The following PCSK2 variants were observed in gnomAD, a reference collection of about 807,000 sequenced individuals.
PCSK2 encodes the protein neuroendocrine convertase 2.
A neutral mutation model predicts 69.7 loss-of-function variants in PCSK2; 14 were observed. The observed-to-expected ratio is 0.20, with a 90% confidence interval of 0.13 to 0.31. The LOEUF (loss-of-function observed/expected upper bound fraction) is 0.31. PCSK2 is among the 10% of genes least tolerant of loss of function. PCSK2 has a pLI of 1.00. For synonymous variants in PCSK2, 307 were observed against 320.7 expected, an observed-to-expected ratio of 0.96 and a Z score of 0.46; for missense variants, 544 against 842.5, an observed-to-expected ratio of 0.65 and a Z score of 4.39.
chr20:17,384,113 C>G (rs1247085270), intron 5 of PCSK2, among the ~76,000 whole-genome samples: 4 of 152,024 alleles, frequency 2.6e-5, no homozygotes, highest in African/African-American at 9.7e-5. Flanking sequence ...GCCATTGTGT[C>G]CTATAAGCAA....
intron 11 of PCSK2, 131 bp from the exon 12 acceptor site, chr20:17,481,453 G>A: frequency 1.4e-6 from 1 of 690,860 alleles, no homozygotes; most frequent in Non-Finnish European, 2.5e-6. Context: ...AGCCAGTGTG[G>A]GAACTAAACC....
At chr20:17,442,340 C>T (rs900079349) in intron 8 of PCSK2, among the ~76,000 whole-genome samples, 2 of 151,948 alleles carry the variant, frequency 1.3e-5, no homozygotes, top group Admixed American at 1.3e-4. Flanking sequence ...GTTGTTTAAG[C>T]CACTCAGTTT....
Position 17,453,697 on chromosome 20 carries a change from A to G in PCSK2, c.886-45A>G. The G allele has an allele frequency of 6.2e-7, 1 of 1,604,500 alleles. No homozygotes were observed. Among genetic ancestry groups the G allele is most frequent in the Non-Finnish European group, 8.5e-7 (1 of 1,176,766 alleles). ...CTGGAGACCTCCCCTGCCCCCTCGC[A>G]GCCCAGGCTGTGGGTAGCGGCAGCG... On this transcript the variant is annotated intron_variant, in intron 8 of 11. Transcript: ENST00000262545. The surrounding 1 kb of genome is among the most constrained non-coding windows in gnomAD (Gnocchi z 4.0).
intron 2 of PCSK2, among the ~76,000 whole-genome samples, chr20:17,354,867 A>C (rs1489187806): frequency 6.6e-6 from 1 of 152,088 alleles, no homozygotes; most frequent in Non-Finnish European, 1.5e-5. Context: ...AACAATAAAC[A>C]TGATTAATGG....
chr20:17,369,645 C>CCTTTG (rs2030700699), intron 5 of PCSK2, among the ~76,000 whole-genome samples: 1 of 152,190 alleles, frequency 6.6e-6, no homozygotes, highest in Non-Finnish European at 1.5e-5. Context: ...CAGGCAAAGG[C>CCTTTG]AGTGGCTTTG....
Position 17,406,750 on chromosome 20 carries a change from G to C in PCSK2, c.544-2513G>C, listed in dbSNP as rs112897180. On this transcript the variant is annotated intron_variant, in intron 5 of 11. Coordinates refer to ENST00000262545, the MANE Select transcript of PCSK2 (RefSeq NM_002594.5). ...AGTCACTCAGGCAGCAGCTACAAAGGGACAAACACTCTCTAGTTTTCCCTC... is the reference window on the plus strand; with the variant it reads ...AGTCACTCAGGCAGCAGCTACAAAGCGACAAACACTCTCTAGTTTTCCCTC... 9.4e-3 allele frequency among the ~76,000 whole-genome samples: 1,429 copies of C among 152,190 alleles called. 9 individuals are homozygous for C. Among genetic ancestry groups the C allele is most frequent in the South Asian group, 0.015 (73 of 4,814 alleles).
At chr20:17,415,714 C>T (rs932789690) in intron 6 of PCSK2, among the ~76,000 whole-genome samples, 2 of 152,102 alleles carry the variant, frequency 1.3e-5, no homozygotes, top group East Asian at 1.9e-4. Context: ...AAAAAGAGCC[C>T]GCATTGCCAA....
chr20:17,429,400 C>A lies in PCSK2; in HGVS notation c.621-35C>A, dbSNP rs1600572944. 10 of 1,532,544 alleles carry A rather than the reference C, an allele frequency of 6.5e-6. No homozygotes were observed. In the East Asian group the frequency reaches 2.3e-4, roughly 34 times the overall value. 94.9% of individuals were successfully genotyped at this position (1,532,544 alleles called of 1,614,324 possible). A position where few individuals can be genotyped will look rare whatever the true frequency, so the allele number is the denominator to read the frequency against. On this transcript the variant is annotated intron_variant, in intron 6 of 11. Transcript: ENST00000262545. Reference sequence around the variant, plus strand: ...GAGAGATCTAGCCAAATTCGTTTCACTGCATATCTAATGTGTCTTTATATT... The same window carrying A: ...GAGAGATCTAGCCAAATTCGTTTCAATGCATATCTAATGTGTCTTTATATT...
chr20:17,439,629 T>C (rs957737467), intron 8 of PCSK2, among the ~76,000 whole-genome samples: 12 of 152,230 alleles, frequency 7.9e-5, no homozygotes, highest in African/African-American at 2.7e-4. Context: ...GGATCCTTAC[T>C]AAATTGTTGC....
rs114134125 is a variant in PCSK2 at position 17,322,008 on chromosome 20, T to C, written c.283-36319T>C. The stretch of plus-strand genomic sequence containing the variant: ...CTGGCATTTAGAGGTGTTTAACCAA[T>C]GTTAGGGAAGAAAACTAACACTGGT... On this transcript the variant is annotated intron_variant, in intron 2 of 11. Coordinates refer to ENST00000262545, the MANE Select transcript of PCSK2 (RefSeq NM_002594.5). Among the ~76,000 whole-genome samples, 251 of 152,044 alleles carry C rather than the reference T, an allele frequency of 1.7e-3. 1 individual carries two copies. Among genetic ancestry groups the C allele is most frequent in the African/African-American group, 5.9e-3 (243 of 41,502 alleles).
rs535196070 is a variant in PCSK2, at chr20:17,413,345, A to G, written c.620+4006A>G. On this transcript the variant is annotated intron_variant, in intron 6 of 11. Coordinates refer to ENST00000262545, the MANE Select transcript of PCSK2 (RefSeq NM_002594.5). ...TTAAGGGATGGAGGAAGATCTACCAAGCAAATGGAAAACAAAAAAAACACA... is the reference window on the plus strand; with the variant it reads ...TTAAGGGATGGAGGAAGATCTACCAGGCAAATGGAAAACAAAAAAAACACA... 1.8e-4 allele frequency among the ~76,000 whole-genome samples: 28 copies of G among 152,330 alleles called. 1 individual carries two copies. The East Asian group carries it at 5.2e-3, about 28-fold the overall frequency.
At chr20:17,314,080 C>T (rs1355356095) in intron 2 of PCSK2, among the ~76,000 whole-genome samples, 1 of 151,996 alleles carries the variant, frequency 6.6e-6, no homozygotes, top group African/African-American at 2.4e-5. Context: ...CCCAAAGAGA[C>T]TGCATTACCC....
At chr20:17,348,041 AGAAAGAAAG>A (rs751340044) in intron 2 of PCSK2, among the ~76,000 whole-genome samples, 4,342 of 90,428 alleles carry the variant, frequency 0.048, 245 homozygotes, top group South Asian at 0.11. Flanking sequence ...GAAGAAAGAA[AGAAAGAAAG>A]GAAAGAAAGA....
chr20:17,248,117 T>C (rs773305803), intron 1 of PCSK2, among the ~76,000 whole-genome samples: 3 of 152,028 alleles, frequency 2.0e-5, no homozygotes, highest in African/African-American at 4.8e-5. Context: ...CTTTTTCTCC[T>C]TCCTTCTGGA....
intron 2 of PCSK2, among the ~76,000 whole-genome samples, chr20:17,263,342 A>T (rs1322898713): frequency 6.6e-6 from 1 of 152,218 alleles, no homozygotes; most frequent in Non-Finnish European, 1.5e-5. Context: ...ACAGATTCTG[A>T]TGTAGACTGT....
chr20:17,326,842 A>G (rs1017481294), intron 2 of PCSK2, among the ~76,000 whole-genome samples: 1 of 152,152 alleles, frequency 6.6e-6, no homozygotes, highest in African/African-American at 2.4e-5. Context: ...GAGGGACTGG[A>G]GGTGCATGGA....
chr20:17,250,065 T>C (rs887632031), intron 1 of PCSK2, among the ~76,000 whole-genome samples: 1 of 152,196 alleles, frequency 6.6e-6, no homozygotes, highest in East Asian at 1.9e-4. Flanking sequence ...CCCTTCTTTA[T>C]TCAGCTTCCC....
intron 2 of PCSK2, among the ~76,000 whole-genome samples, chr20:17,298,355 T>C (rs775340469): frequency 5.3e-5 from 8 of 152,172 alleles, no homozygotes; most frequent in Non-Finnish European, 1.0e-4. Flanking sequence ...GGGGTGATTT[T>C]GGCCCCAGGG....
chr20:17,414,492 T>C (rs1451770624), intron 6 of PCSK2, among the ~76,000 whole-genome samples: 1 of 152,052 alleles, frequency 6.6e-6, no homozygotes, highest in African/African-American at 2.4e-5. Context: ...CAGGAAGAAG[T>C]TGAATCTCTG....
Sources: allele counts gnomAD v4.1 joint callset (sites outside exome capture counted in the v4.1 genomes callset), GRCh38; gene constraint gnomAD v4.1.1; non-coding constraint Gnocchi (gnomAD v3.1); transcripts MANE v1.5; gene names NCBI Gene and HGNC (gene_info 2026-07-23, HGNC 2026-07-21).